Variants in CCDC47 observed in about 807,000 individuals in gnomAD.
The protein encoded by CCDC47 is PAT complex subunit CCDC47.
Under a neutral mutation model 60.5 loss-of-function variants are expected in CCDC47, and 41 were observed. That is an observed-to-expected ratio of 0.68 (90% CI 0.53 to 0.88). The LOEUF (loss-of-function observed/expected upper bound fraction) is 0.88. Ranked by LOEUF, CCDC47 falls within the 40% of genes least tolerant of loss-of-function variation. The probability of loss-of-function intolerance (pLI) is 0.00; values close to 1 mark genes in which losing one functional copy is unlikely to be tolerated. For missense variants in CCDC47, 513 were observed against 580.9 expected, an observed-to-expected ratio of 0.88 and a Z score of 1.20; for synonymous variants, 195 against 190.7, an observed-to-expected ratio of 1.02 and a Z score of -0.18.
intron 12 of CCDC47, 61 bp downstream of exon 12, chr17:63,751,879 C>G (rs1244865676): frequency 6.3e-7 from 1 of 1,575,360 alleles, no homozygotes; most frequent in Admixed American, 1.7e-5. Flanking sequence ...TAACAACCAA[C>G]AGAACACAAG....
intron 4 of CCDC47, chr17:63,762,176 C>T: frequency 2.0e-6 from 2 of 984,818 alleles, no homozygotes; most frequent in Non-Finnish European, 2.4e-6. Context: ...TACTTTCTCT[C>T]TTCATTTAAT....
intron 6 of CCDC47, among the ~76,000 whole-genome samples, chr17:63,758,278 G>A (rs1271322812): frequency 6.6e-6 from 1 of 152,190 alleles, no homozygotes; most frequent in East Asian, 1.9e-4. Flanking sequence ...ATGGTAGTAT[G>A]GGTAACCTGG....
chr17:63,763,479 C>T lies in CCDC47; in HGVS notation c.547+537G>A, dbSNP rs547716862. On this transcript the variant is annotated intron_variant, in intron 4 of 12. Coordinates refer to ENST00000225726, the MANE Select transcript of CCDC47 (RefSeq NM_020198.3). Reference sequence around the variant, plus strand: ...GGTCGAGGCTGCAGTGAACTGTAATCATACCACTGCACACAAGCCTGGGTA... The same window carrying T: ...GGTCGAGGCTGCAGTGAACTGTAATTATACCACTGCACACAAGCCTGGGTA... 3.9e-5 allele frequency among the ~76,000 whole-genome samples: 6 copies of T among 152,184 alleles called. 1 individual carries two copies. The highest frequency in any genetic ancestry group is 1.4e-4 in the African/African-American group (6 of 41,528).
intron 1 of CCDC47, among the ~76,000 whole-genome samples, chr17:63,771,012 GA>G (rs2039335165): frequency 2.6e-5 from 3 of 116,304 alleles, no homozygotes; most frequent in African/African-American, 9.4e-5. Context: ...AAGAAAGAAA[GA>G]AAGGAAGGAA....
chr17:63,761,544 A>C (rs1268173617), intron 4 of CCDC47, 193 bp from the exon 5 acceptor site: 2 of 414,692 alleles, frequency 4.8e-6, no homozygotes, highest in Admixed American at 4.1e-5. Flanking sequence ...AAAATTATAA[A>C]AAATTAGCCG....
At position 63,771,009 on chromosome 17, in the gene CCDC47, A is replaced by AAGGAAGGAAGG. The variant is rs1568253128; in HGVS notation, c.-20+2402_-20+2403insCCTTCCTTCCT. ...TCAAAAAAAAAAAAAAGAAAGAAAGAAAGAAAGGAAGGAAGGAAGGAAGGA... is the reference window on the plus strand; with the variant it reads ...TCAAAAAAAAAAAAAAGAAAGAAAGAAGGAAGGAAGGAAGAAAGGAAGGAAGGAAGGAAGGA... On this transcript the variant is annotated intron_variant, in intron 1 of 12. Coordinates refer to ENST00000225726, the MANE Select transcript of CCDC47 (RefSeq NM_020198.3). 2.2e-3 allele frequency among the ~76,000 whole-genome samples: 153 copies of AAGGAAGGAAGG among 69,112 alleles called. 1 individual carries two copies. The highest frequency in any genetic ancestry group is 7.5e-3 in the African/African-American group (133 of 17,736). 45.3% of individuals were successfully genotyped at this position (69,112 alleles called of 152,430 possible). A position where few individuals can be genotyped will look rare whatever the true frequency, so the allele number is the denominator to read the frequency against.
chr17:63,767,303 G>A (rs571151119), intron 1 of CCDC47, among the ~76,000 whole-genome samples: 1 of 152,230 alleles, frequency 6.6e-6, no homozygotes, highest in East Asian at 1.9e-4. Context: ...GGAATTCAAT[G>A]TATCATCATT....
chr17:63,765,077 T>C (rs2039287361), intron 2 of CCDC47: 1 of 438,212 alleles, frequency 2.3e-6, no homozygotes, highest in South Asian at 9.6e-5. Flanking sequence ...TAATGTATTG[T>C]AGACTTGAAA....
At position 63,752,432 on chromosome 17, in the gene CCDC47, G is replaced by A. The variant is rs16947066; in HGVS notation, c.1094-3C>T. On this transcript the variant is annotated splice_polypyrimidine_tract_variant and splice_region_variant and intron_variant, in intron 10 of 12. Coordinates refer to ENST00000225726, the MANE Select transcript of CCDC47 (RefSeq NM_020198.3). ...GTAAGTGTTACCTGAGCCAGGCACTGGAAAACAAAGCCATTTTTCCTACTG... is the reference window on the plus strand; with the variant it reads ...GTAAGTGTTACCTGAGCCAGGCACTAGAAAACAAAGCCATTTTTCCTACTG... The A allele has an allele frequency of 3.2e-3, 5,011 of 1,589,742 alleles. 135 individuals are homozygous for A. The African/African-American group carries it at 0.06, about 19-fold the overall frequency.
chr17:63,771,294 T>C (rs1346055141), intron 1 of CCDC47, among the ~76,000 whole-genome samples: 1 of 152,072 alleles, frequency 6.6e-6, no homozygotes, highest in Admixed American at 6.5e-5. Flanking sequence ...TATATACATA[T>C]ACATATATAA....
chr17:63,754,234 T>G (rs959258228), intron 9 of CCDC47, among the ~76,000 whole-genome samples, 199 bp downstream of exon 9: 2 of 152,130 alleles, frequency 1.3e-5, no homozygotes, highest in Non-Finnish European at 2.9e-5. Flanking sequence ...CAAACTGGGA[T>G]AGGGGAGGCT....
intron 1 of CCDC47, among the ~76,000 whole-genome samples, chr17:63,770,064 G>A (rs1193581544): frequency 6.6e-6 from 1 of 150,566 alleles, no homozygotes; most frequent in Non-Finnish European, 1.5e-5. Flanking sequence ...GGGTTCAAGC[G>A]ATTCTTCTGT....
In CCDC47 at chr17:63,761,214, G is replaced by C. The variant is rs2039256921; in HGVS notation, c.669+16C>G. ...TTAAGGGAAGATATATATCGTACAA[G>C]AAGTTTCCTACTTACCCTCAGCTGG... On this transcript the variant is annotated intron_variant, in intron 5 of 12. Coordinates refer to ENST00000225726, the MANE Select transcript of CCDC47 (RefSeq NM_020198.3). 1.9e-6 allele frequency: 3 copies of C among 1,614,030 alleles called. No individual in the cohort carries two copies. Among genetic ancestry groups the C allele is most frequent in the East Asian group, 2.2e-5 (1 of 44,886 alleles).
At chr17:63,751,772 C>A in intron 12 of CCDC47, 168 bp downstream of exon 12, 2 of 725,372 alleles carry the variant, frequency 2.8e-6, no homozygotes, top group Non-Finnish European at 2.4e-6. Context: ...ACGGCTTGAA[C>A]AGGAAGGATT....
intron 12 of CCDC47, among the ~76,000 whole-genome samples, chr17:63,748,434 T>A (rs2039136972): frequency 6.6e-6 from 1 of 151,712 alleles, no homozygotes; most frequent in African/African-American, 2.4e-5. Flanking sequence ...TCTTTTCAAT[T>A]TTTTTTTGAG....
chr17:63,770,814 C>A (rs1387420853), intron 1 of CCDC47, among the ~76,000 whole-genome samples: 1 of 151,176 alleles, frequency 6.6e-6, no homozygotes, highest in Non-Finnish European at 1.5e-5. Context: ...GGTGAAATCC[C>A]GTCTCGACTA....
rs2039172977 is a variant in CCDC47, at chr17:63,752,307, C to T, written c.1203+13G>A. 1.9e-6 allele frequency: 3 copies of T among 1,563,946 alleles called. No homozygotes were observed. The highest frequency in any genetic ancestry group is 2.6e-6 in the Non-Finnish European group (3 of 1,135,542). On this transcript the variant is annotated intron_variant, in intron 11 of 12. Transcript: ENST00000225726. ...AAGGTGCCAATTTATATAATACAGG[C>T]ATTGGGTCTTACTTCTCTGTTGAGT...
chr17:63,772,226 T>C (rs1162429852), intron 1 of CCDC47, among the ~76,000 whole-genome samples: 1 of 151,294 alleles, frequency 6.6e-6, no homozygotes, highest in African/African-American at 2.4e-5. Flanking sequence ...CTGCAGTGGG[T>C]ATTACGGGAG....
chr17:63,766,142 G>A lies in CCDC47; in HGVS notation c.34C>T (p.Leu12=). The stretch of plus-strand genomic sequence containing the variant: ...GCTTCAGAGACACTCCCAAACACCA[G>A]AAGGACAACACAGAAAGTGTGGAAG... ...KAFHTFCVVL[L]VFGSVSEAKF... The change falls in exon 2 of 13, where the codon CTG becomes TTG. Residue 12 remains leucine (L), a synonymous_variant. Transcript: ENST00000225726. 1 of 1,613,644 alleles carries A rather than the reference G, an allele frequency of 6.2e-7. No homozygotes were observed. Among genetic ancestry groups the A allele is most frequent in the Non-Finnish European group, 8.5e-7 (1 of 1,179,878 alleles).
Sources: gnomAD v4.1 joint callset for allele counts (sites outside exome capture counted in the v4.1 genomes callset) on GRCh38, gnomAD v4.1.1 for gene constraint, MANE v1.5 for transcripts, NCBI Gene and HGNC (gene_info 2026-07-23, HGNC 2026-07-21) for gene names.